SIVA1: variants seen among roughly 807,000 people sequenced by gnomAD.
The protein encoded by SIVA1 is SIVA1 apoptosis inducing factor.
SIVA1 carries 10 observed loss-of-function variants against 19.7 expected under a neutral mutation model. That is an observed-to-expected ratio of 0.51 (90% CI 0.31 to 0.86). The LOEUF is 0.86. SIVA1 is among the 40% of genes least tolerant of loss of function. SIVA1 has a pLI of 0.04. For synonymous variants in SIVA1, 130 were observed against 106.1 expected, an observed-to-expected ratio of 1.23 and a Z score of -1.39; for missense variants, 241 against 245.2, an observed-to-expected ratio of 0.98 and a Z score of 0.11.
chr14:104,755,935 C>T, intron 2 of SIVA1, 111 bp downstream of exon 2: 1 of 1,050,970 alleles, frequency 9.5e-7, no homozygotes, highest in Non-Finnish European at 1.4e-6. Flanking sequence ...AAGCAGGACT[C>T]TGACCCAGAG....
At chr14:104,756,376 A>C (rs577974011) in intron 2 of SIVA1, 1 of 590,162 alleles carries the variant, frequency 1.7e-6, no homozygotes, top group African/African-American at 1.9e-5. Flanking sequence ...AAGAGCACTG[A>C]ACTTGGAGTC....
intron 2 of SIVA1, 53 bp from the exon 3 acceptor site, chr14:104,756,551 C>T (rs1259926340): frequency 2.5e-6 from 4 of 1,609,086 alleles, no homozygotes; most frequent in Non-Finnish European, 3.4e-6. Flanking sequence ...CCCGGCAGTC[C>T]CGGAAACTCC....
chr14:104,757,044 A>C (rs1474250071), intron 3 of SIVA1: 13 of 462,626 alleles, frequency 2.8e-5, no homozygotes, highest in South Asian at 5.0e-5. Context: ...GAGCACCCCC[A>C]CCTCCTCCTC....
intron 1 of SIVA1, chr14:104,753,667 T>C: frequency 2.3e-6 from 1 of 432,848 alleles, no homozygotes; most frequent in Non-Finnish European, 4.6e-6. Flanking sequence ...CAGGATGTCC[T>C]GGGAGAGGTT....
chr14:104,759,609 A>G lies in SIVA1; in HGVS notation c.*124A>G, dbSNP rs868482343. 7.4e-6 allele frequency: 5 copies of G among 676,256 alleles called. No individual in the cohort carries two copies. The highest frequency in any genetic ancestry group is 1.7e-5 in the South Asian group (1 of 57,262). The allele number at this position is 676,256 out of a possible 1,614,324, so 41.9% of individuals were successfully genotyped here. On this transcript the variant is annotated 3_prime_UTR_variant, in exon 4 of 4. Coordinates refer to ENST00000329967, the MANE Select transcript of SIVA1 (RefSeq NM_006427.4). The surrounding 1 kb of genome is among the most constrained non-coding windows in gnomAD (Gnocchi z 4.2). ...GGGAGGGGTGCCTTTTACATGTTCT[A>G]TTTTGTATCCTAATGACAGAATGAA...
chr14:104,757,611 C>T (rs1415012255), intron 3 of SIVA1: 1 of 155,856 alleles, frequency 6.4e-6, no homozygotes, highest in Non-Finnish European at 1.4e-5. Flanking sequence ...GCACCCCATC[C>T]AGGTTGGGAA....
In SIVA1 at chr14:104,756,344, A is replaced by T. The variant is rs183766793; in HGVS notation, c.314-260A>T. ...GTCCTTCCAGCACTAGCCTCCAGGT[A>T]GCAGAGGGACCTGGTAAGGGAAAGA... On this transcript the variant is annotated intron_variant, in intron 2 of 3. Coordinates refer to ENST00000329967, the MANE Select transcript of SIVA1 (RefSeq NM_006427.4). The T allele has an allele frequency of 1.4e-5, 8 of 557,650 alleles. No homozygotes were observed. In the Admixed American group the frequency reaches 1.9e-4, roughly 13 times the overall value. 34.5% of individuals were successfully genotyped at this position (557,650 alleles called of 1,614,324 possible).
At chr14:104,756,938 T>C in intron 3 of SIVA1, 178 bp downstream of exon 3, 1 of 679,714 alleles carries the variant, frequency 1.5e-6, no homozygotes, top group East Asian at 2.8e-5. Context: ...CTTTAGTGGT[T>C]AGTAATCCTC....
rs1892016520 is a variant in SIVA1 at position 104,759,527 on chromosome 14, G to A, written c.*42G>A. On this transcript the variant is annotated 3_prime_UTR_variant, in exon 4 of 4. Transcript: ENST00000329967. The surrounding 1 kb of genome is among the most constrained non-coding windows in gnomAD (Gnocchi z 4.2). The stretch of plus-strand genomic sequence containing the variant: ...CTGCCTTCACCGGGAGCCACGCCGT[G>A]CATGGCAGCCTTCCCTGGACGAGCG... 1 of 1,573,056 alleles carries A rather than the reference G, an allele frequency of 6.4e-7. No individual in the cohort carries two copies. The highest frequency in any genetic ancestry group is 8.7e-7 in the Non-Finnish European group (1 of 1,151,914).
At chr14:104,756,529 G>A in intron 2 of SIVA1, 75 bp from the exon 3 acceptor site, 2 of 1,568,258 alleles carry the variant, frequency 1.3e-6, no homozygotes, top group Non-Finnish European at 1.7e-6. Context: ...AGGTATGCAT[G>A]GAGGCAGGTA....
chr14:104,753,168 G>A lies in SIVA1; in HGVS notation c.-34G>A, dbSNP rs754187774. The A allele has an allele frequency of 1.5e-5, 21 of 1,407,512 alleles. 1 individual carries two copies. The South Asian group carries it at 2.2e-4, about 15-fold the overall frequency. 87.2% of individuals were successfully genotyped at this position (1,407,512 alleles called of 1,614,324 possible). A position where few individuals can be genotyped will look rare whatever the true frequency, so the allele number is the denominator to read the frequency against. On this transcript the variant is annotated 5_prime_UTR_variant, in exon 1 of 4. Transcript: ENST00000329967. The stretch of plus-strand genomic sequence containing the variant: ...CGGCGTCGTTGGTAAGGGGCTGGCG[G>A]CCGGGGAGCTGCGTAGCTCCCGGCC...
Position 104,759,278 on chromosome 14 carries a change from C to A in SIVA1, c.471-150C>A. On this transcript the variant is annotated intron_variant, in intron 3 of 3. Transcript: ENST00000329967. This position sits in a 1 kb window ranked among gnomAD's most constrained non-coding sequence, Gnocchi z 4.2. ...CCCCATGTCAGTGCCGTCATCTAGA[C>A]TGATGATGCCCGCAGTGATCCTGTC... The A allele has an allele frequency of 1.7e-6, 1 of 601,060 alleles. No individual in the cohort carries two copies. The highest frequency in any genetic ancestry group is 2.9e-6 in the Non-Finnish European group (1 of 345,608). The allele number at this position is 601,060 out of a possible 1,614,324, so 37.2% of individuals were successfully genotyped here.
chr14:104,755,877 C>T, intron 2 of SIVA1, 53 bp downstream of exon 2: 1 of 1,529,816 alleles, frequency 6.5e-7, no homozygotes, highest in Non-Finnish European at 8.9e-7. Flanking sequence ...CAGGTGGTGG[C>T]ACGAGCATTT....
At chr14:104,755,918 C>T (rs1371613450) in intron 2 of SIVA1, 94 bp downstream of exon 2, 2 of 1,223,966 alleles carry the variant, frequency 1.6e-6, no homozygotes, top group African/African-American at 1.5e-5. Context: ...GCTTTTCCTC[C>T]CTGGGTAAGC....
In SIVA1 at chr14:104,753,329, G is replaced by T. The variant is rs144323943; in HGVS notation, c.118+10G>T. ...TCGCAGGAGGTCTTCGGTGAGTGTC[G>T]GGCGGGCTGCCGAGGGTCCGCTGCG... On this transcript the variant is annotated intron_variant, in intron 1 of 3. Coordinates refer to ENST00000329967, the MANE Select transcript of SIVA1 (RefSeq NM_006427.4). 2.0e-5 allele frequency: 32 copies of T among 1,574,322 alleles called. No individual in the cohort carries two copies. The East Asian group carries it at 7.4e-4, about 36-fold the overall frequency.
At chr14:104,757,021 TG>T in intron 3 of SIVA1, 1 of 533,300 alleles carries the variant, frequency 1.9e-6, no homozygotes, top group Non-Finnish European at 3.4e-6. Context: ...AGCCACTTCC[TG>T]TTCTGATCTT....
chr14:104,754,899 C>A (rs193020191), intron 1 of SIVA1, among the ~76,000 whole-genome samples: 1 of 152,320 alleles, frequency 6.6e-6, no homozygotes, highest in African/African-American at 2.4e-5. Flanking sequence ...CATAGAGTTT[C>A]TGGGATCTCT....
chr14:104,756,212 G>GT, intron 2 of SIVA1: 2 of 436,758 alleles, frequency 4.6e-6, no homozygotes, highest in Non-Finnish European at 8.5e-6. Flanking sequence ...TCTGGTTGGT[G>GT]TGTCTAGGAG....
At chr14:104,755,289 G>A (rs937047563) in intron 1 of SIVA1, among the ~76,000 whole-genome samples, 2 of 152,218 alleles carry the variant, frequency 1.3e-5, no homozygotes, top group Non-Finnish European at 2.9e-5. Flanking sequence ...AGGGAGAAAG[G>A]GGACAAGCTT....
Sources: gnomAD v4.1 joint callset for allele counts (sites outside exome capture counted in the v4.1 genomes callset) on GRCh38, gnomAD v4.1.1 for gene constraint, Gnocchi (gnomAD v3.1) non-coding constraint, MANE v1.5 for transcripts, NCBI Gene and HGNC (gene_info 2026-07-23, HGNC 2026-07-21) for gene names.